Variants in DENND1A observed in about 807,000 individuals in gnomAD.
The protein encoded by DENND1A is DENN domain-containing protein 1A.
In DENND1A, 51 loss-of-function variants were observed where a neutral mutation model predicts 113.7. That is an observed-to-expected ratio of 0.45 (90% CI 0.36 to 0.57). DENND1A has a LOEUF of 0.57. DENND1A is among the 20% of genes least tolerant of loss of function. DENND1A has a pLI of 0.00. For synonymous variants in DENND1A, 565 were observed against 570.8 expected (o/e 0.99, Z 0.14); for missense variants, 1,258 against 1,395.9 (o/e 0.90, Z 1.57).
chr9:123,692,966 T>C (rs921807975), intron 5 of DENND1A, among the ~76,000 whole-genome samples: 2 of 152,226 alleles, frequency 1.3e-5, no homozygotes, highest in African/African-American at 4.8e-5. Flanking sequence ...ATGAAGTGAC[T>C]TGCTCAAGAT....
At chr9:123,471,299 G>A (rs1438899182) in intron 13 of DENND1A, among the ~76,000 whole-genome samples, 2 of 152,130 alleles carry the variant, frequency 1.3e-5, no homozygotes, top group East Asian at 1.9e-4. Flanking sequence ...CTCATCTGCC[G>A]AATGGGGGAG....
intron 6 of DENND1A, among the ~76,000 whole-genome samples, chr9:123,675,382 C>G (rs1653732938): frequency 6.6e-6 from 1 of 152,154 alleles, no homozygotes; most frequent in African/African-American, 2.4e-5. Flanking sequence ...CAATGCAAGA[C>G]TTCGTAGAGC....
chr9:123,848,248 A>C (rs1005533217), intron 2 of DENND1A, among the ~76,000 whole-genome samples: 108 of 146,942 alleles, frequency 7.3e-4, no homozygotes, highest in African/African-American at 2.3e-3. Context: ...AAAAAAAAAA[A>C]AAAAAAAAAC....
rs545901649 is a variant in DENND1A at position 123,764,334 on chromosome 9, T to C, written c.182+5180A>G. 1.3e-5 allele frequency among the ~76,000 whole-genome samples: 2 copies of C among 152,248 alleles called. No individual in the cohort carries two copies. The highest frequency in any genetic ancestry group is 1.5e-5 in the Non-Finnish European group (1 of 68,040). On this transcript the variant is annotated intron_variant, in intron 4 of 23. Coordinates refer to ENST00000394215, the MANE Select transcript of DENND1A (RefSeq NM_001352964.2). This position sits in a 1 kb window ranked among gnomAD's most constrained non-coding sequence, Gnocchi z 4.1. ...ATGTATTATAGCTTACCGACAATTA[T>C]CTGTTGTCCATGGCAGGGCACCTAA...
chr9:123,553,677 C>G (rs1033875912), intron 13 of DENND1A, among the ~76,000 whole-genome samples: 5 of 152,180 alleles, frequency 3.3e-5, no homozygotes, highest in African/African-American at 1.2e-4. Context: ...ATCCTAGAAG[C>G]TGGATGGAAA....
intron 2 of DENND1A, among the ~76,000 whole-genome samples, chr9:123,855,332 G>A (rs1843998039): frequency 6.7e-6 from 1 of 149,996 alleles, no homozygotes; most frequent in Non-Finnish European, 1.5e-5. Context: ...CAGAGAGGGG[G>A]AAGCAAGGGT....
rs532011126 is a variant in DENND1A at position 123,914,259 on chromosome 9, C to T, written c.17+15630G>A. Among the ~76,000 whole-genome samples, 3 of 151,976 alleles carry T rather than the reference C, an allele frequency of 2.0e-5. No individual in the cohort carries two copies. The South Asian group carries it at 6.2e-4, about 32-fold the overall frequency. ...TACCTGCGACTTCTTTATAGCAATG[C>T]CAGGCGCAGTGTCTCACCCCTGTAA... is the stretch of plus-strand genomic sequence containing the variant. On this transcript the variant is annotated intron_variant, in intron 1 of 23. Transcript: ENST00000394215.
At chr9:123,546,510 C>G (rs2056707440) in intron 13 of DENND1A, among the ~76,000 whole-genome samples, 1 of 151,928 alleles carries the variant, frequency 6.6e-6, no homozygotes, top group African/African-American at 2.4e-5. Flanking sequence ...CTAGATCGCA[C>G]CACTGCACTC....
intron 5 of DENND1A, among the ~76,000 whole-genome samples, chr9:123,740,899 T>TGAGAGAGAGAGAGACAGAGAGAGAGAGA (rs2068955779): frequency 9.2e-6 from 1 of 108,870 alleles, no homozygotes; most frequent in African/African-American, 3.7e-5. Flanking sequence ...GAAGGGAAAG[T>TGAGAGAGAGAGAGACAGAGAGAGAGAGA]GAGAGAGAGA....
intron 12 of DENND1A, among the ~76,000 whole-genome samples, chr9:123,575,366 C>T (rs750565533): frequency 1.3e-5 from 2 of 152,222 alleles, no homozygotes; most frequent in Non-Finnish European, 2.9e-5. Context: ...TCACCTCCTA[C>T]TGTATGGCTG....
intron 2 of DENND1A, among the ~76,000 whole-genome samples, chr9:123,861,581 C>A (rs556745921): frequency 1.3e-5 from 2 of 152,210 alleles, no homozygotes; most frequent in East Asian, 1.9e-4. Flanking sequence ...TTATTCACCA[C>A]CAGACAATGA....
rs1847922326 is a variant in DENND1A, at chr9:123,878,963, C to T, written c.76G>A (p.Gly26Ser). The T allele has an allele frequency of 6.2e-7, 1 of 1,613,844 alleles. No homozygotes were observed. Among genetic ancestry groups the T allele is most frequent in the Admixed American group, 1.7e-5 (1 of 59,994 alleles). ...ACATGCAAAGTACCTGAAAGAGTGCCACCTGTCCTGGGATAGGCCACTTCA... is the reference window on the plus strand; with the variant it reads ...ACATGCAAAGTACCTGAAAGAGTGCTACCTGTCCTGGGATAGGCCACTTCA... ...YVEVAYPRTG[G>S]TLSDPEVQRQ... The change falls in exon 2 of 24, where the codon GGC (glycine) becomes AGC (serine). Residue 26 changes from glycine (G) to serine (S), a missense_variant. Transcript: ENST00000394215.
intron 1 of DENND1A, among the ~76,000 whole-genome samples, chr9:123,893,059 T>C (rs1007303697): frequency 6.6e-6 from 1 of 152,020 alleles, no homozygotes; most frequent in African/African-American, 2.4e-5. Context: ...GGTCTGGGCA[T>C]GGTGGCTCAT....
chr9:123,821,497 A>T (rs547264172), intron 2 of DENND1A, among the ~76,000 whole-genome samples: 1 of 152,364 alleles, frequency 6.6e-6, no homozygotes, highest in Admixed American at 6.5e-5. Flanking sequence ...GTGAAAACTG[A>T]ATTATGTGAC....
At chr9:123,600,089 T>C (rs2059876365) in intron 11 of DENND1A, among the ~76,000 whole-genome samples, 1 of 152,130 alleles carries the variant, frequency 6.6e-6, no homozygotes, top group Non-Finnish European at 1.5e-5. Flanking sequence ...GTTTATGAAG[T>C]CAACAGTCTC....
chr9:123,630,271 A>G (rs1384934236), intron 10 of DENND1A, 105 bp downstream of exon 10: 6 of 397,170 alleles, frequency 1.5e-5, no homozygotes, highest in African/African-American at 2.5e-5. Context: ...GATGAAGTTA[A>G]TATTTTTAAT....
intron 19 of DENND1A, among the ~76,000 whole-genome samples, chr9:123,428,131 C>G (rs1168122272): frequency 6.7e-6 from 1 of 149,888 alleles, no homozygotes; most frequent in Non-Finnish European, 1.5e-5. Flanking sequence ...TGATGAAACC[C>G]TGTCTCTACA....
intron 5 of DENND1A, among the ~76,000 whole-genome samples, chr9:123,747,945 G>A (rs1309412396): frequency 2.0e-5 from 3 of 151,914 alleles, no homozygotes; most frequent in Non-Finnish European, 4.4e-5. Flanking sequence ...TCAAGAATCA[G>A]GTAATAGCTC....
chr9:123,517,902 GA>G (rs1184546537), intron 13 of DENND1A, among the ~76,000 whole-genome samples: 3 of 152,162 alleles, frequency 2.0e-5, no homozygotes, highest in African/African-American at 4.8e-5. Context: ...CTGGGTGGTG[GA>G]AATGTGAGTG....
Sources: allele counts gnomAD v4.1 joint callset (sites outside exome capture counted in the v4.1 genomes callset), GRCh38; gene constraint gnomAD v4.1.1; non-coding constraint Gnocchi (gnomAD v3.1); transcripts MANE v1.5; gene names NCBI Gene and HGNC (gene_info 2026-07-23, HGNC 2026-07-21).